The following NR6A1 variants were observed in gnomAD, a reference collection of about 807,000 sequenced individuals.
NR6A1 encodes the protein retinoic acid receptor-related testis-associated receptor.
Under a neutral mutation model 59.1 loss-of-function variants are expected in NR6A1, and 7 were observed. The ratio of observed to expected loss-of-function variants is 0.12; its 90% confidence interval spans 0.07 to 0.22. The LOEUF (loss-of-function observed/expected upper bound fraction) is 0.22. Among genes scored for constraint, NR6A1 ranks in the 10% least tolerant of loss-of-function variants. The pLI, the probability that NR6A1 is intolerant of heterozygous loss-of-function variation, is 1.00. For missense variants in NR6A1, 468 were observed against 611.6 expected (o/e 0.77, Z 2.48); for synonymous variants, 243 against 236.1 (o/e 1.03, Z -0.27).
At chr9:124,626,080 T>A (rs970415567) in intron 2 of NR6A1, among the ~76,000 whole-genome samples, 1 of 152,220 alleles carries the variant, frequency 6.6e-6, no homozygotes, top group Non-Finnish European at 1.5e-5. Context: ...GATCTCAGCT[T>A]ACTGCAACCT....
chr9:124,710,253 C>T (rs1160864022), intron 2 of NR6A1, among the ~76,000 whole-genome samples: 4 of 151,980 alleles, frequency 2.6e-5, no homozygotes, highest in Non-Finnish European at 4.4e-5. Flanking sequence ...CTCCATTCAA[C>T]GTAACAGAAA....
At chr9:124,609,746 G>T (rs998430512) in intron 2 of NR6A1, among the ~76,000 whole-genome samples, 7 of 152,178 alleles carry the variant, frequency 4.6e-5, no homozygotes, top group Admixed American at 1.3e-4. Context: ...CATGAGCAAG[G>T]GATGTTTTTC....
chr9:124,580,735 G>A (rs1042787529), intron 2 of NR6A1, among the ~76,000 whole-genome samples: 3 of 151,964 alleles, frequency 2.0e-5, no homozygotes, highest in South Asian at 2.1e-4. Context: ...CAGGAGAATC[G>A]CTTGAACCCA....
At chr9:124,745,306 A>C (rs1050785975) in intron 1 of NR6A1, among the ~76,000 whole-genome samples, 1 of 151,982 alleles carries the variant, frequency 6.6e-6, no homozygotes, top group Admixed American at 6.6e-5. Context: ...ATCTCTTAGT[A>C]TAACTAATTT....
At chr9:124,654,875 TACACACAC>T (rs3983841) in intron 2 of NR6A1, among the ~76,000 whole-genome samples, 150 of 123,908 alleles carry the variant, frequency 1.2e-3, no homozygotes, top group African/African-American at 3.7e-3. Context: ...TTTTTTTTTG[TACACACAC>T]ACACACACAC....
chr9:124,689,490 C>T (rs1458992413), intron 2 of NR6A1, among the ~76,000 whole-genome samples: 5 of 152,150 alleles, frequency 3.3e-5, no homozygotes, highest in Admixed American at 3.3e-4. Context: ...TTATTCTATT[C>T]TCGCACATAT....
At chr9:124,524,540 T>C (rs1194254083) in intron 9 of NR6A1, among the ~76,000 whole-genome samples, 181 bp downstream of exon 9, 1 of 152,218 alleles carries the variant, frequency 6.6e-6, no homozygotes, top group East Asian at 1.9e-4. Context: ...TTAACTTCTC[T>C]TCTCTATGGA....
intron 5 of NR6A1, among the ~76,000 whole-genome samples, chr9:124,538,700 A>G (rs1430907171): frequency 6.6e-6 from 1 of 152,208 alleles, no homozygotes; most frequent in African/African-American, 2.4e-5. Flanking sequence ...AGGCACAGAC[A>G]GGCTAAGTCC....
At chr9:124,647,292 A>G (rs1836956107) in intron 2 of NR6A1, among the ~76,000 whole-genome samples, 1 of 152,202 alleles carries the variant, frequency 6.6e-6, no homozygotes, top group Non-Finnish European at 1.5e-5. Flanking sequence ...AGTTTCAAAT[A>G]AAGACCCAAA....
chr9:124,771,156 C>G lies in NR6A1; in HGVS notation c.-37G>C, dbSNP rs910068024. On this transcript the variant is annotated 5_prime_UTR_variant, in exon 1 of 10. Transcript: ENST00000487099. ...TAGGGTCCGCGCCGGGTTTGTTGCT[C>G]CGCCATGACCGGCGCCCTAGTCGCC... 1.3e-5 allele frequency: 15 copies of G among 1,126,588 alleles called. No individual in the cohort carries two copies. The Admixed American group carries it at 6.4e-4, about 48-fold the overall frequency. 69.8% of individuals were successfully genotyped at this position (1,126,588 alleles called of 1,614,324 possible).
At chr9:124,695,914 T>C (rs1838742826) in intron 2 of NR6A1, among the ~76,000 whole-genome samples, 2 of 152,218 alleles carry the variant, frequency 1.3e-5, no homozygotes, top group African/African-American at 2.4e-5. Flanking sequence ...GAAACAATTA[T>C]ATATTTCATT....
intron 2 of NR6A1, among the ~76,000 whole-genome samples, chr9:124,587,367 T>C (rs1022319627): frequency 6.6e-6 from 1 of 152,140 alleles, no homozygotes; most frequent in Admixed American, 6.5e-5. Context: ...GCTTCTCTAT[T>C]TGCAAATCAA....
chr9:124,599,619 G>T (rs939355774), intron 2 of NR6A1: 1 of 1,175,208 alleles, frequency 8.5e-7, no homozygotes, highest in Non-Finnish European at 1.1e-6. Context: ...TGAGTCGGTC[G>T]TCGCCGGCTC....
chr9:124,763,421 G>A (rs1466092163), intron 1 of NR6A1, among the ~76,000 whole-genome samples: 2 of 152,136 alleles, frequency 1.3e-5, no homozygotes, highest in African/African-American at 2.4e-5. Context: ...TTAGCATTAC[G>A]ATTAAAATAT....
chr9:124,579,046 C>A (rs1834686827), intron 2 of NR6A1, among the ~76,000 whole-genome samples: 1 of 152,228 alleles, frequency 6.6e-6, no homozygotes, highest in South Asian at 2.1e-4. Context: ...CTTTGGGAGT[C>A]TGAGACAGGT....
intron 2 of NR6A1, among the ~76,000 whole-genome samples, chr9:124,564,453 C>T (rs998766038): frequency 6.6e-6 from 1 of 151,992 alleles, no homozygotes; most frequent in African/African-American, 2.4e-5. Flanking sequence ...TTAAAAGATG[C>T]CGTTTACAAT....
intron 2 of NR6A1, among the ~76,000 whole-genome samples, chr9:124,608,478 C>CT (rs1281916531): frequency 6.6e-6 from 1 of 152,134 alleles, no homozygotes; most frequent in East Asian, 1.9e-4. Context: ...TAATCCTATT[C>CT]TTTTTTATGG....
chr9:124,530,462 T>C (rs1833072075), intron 7 of NR6A1, among the ~76,000 whole-genome samples: 1 of 152,222 alleles, frequency 6.6e-6, no homozygotes, highest in African/African-American at 2.4e-5. Context: ...GTATTCACTG[T>C]CTACAAATTA....
chr9:124,649,621 A>G (rs1837039541), intron 2 of NR6A1, among the ~76,000 whole-genome samples: 1 of 152,194 alleles, frequency 6.6e-6, no homozygotes, highest in African/African-American at 2.4e-5. Flanking sequence ...ATATCAAGCT[A>G]AAAAGCTTCT....
Sources: allele counts gnomAD v4.1 joint callset (sites outside exome capture counted in the v4.1 genomes callset), GRCh38; gene constraint gnomAD v4.1.1; transcripts MANE v1.5; gene names NCBI Gene and HGNC (gene_info 2026-07-23, HGNC 2026-07-21).